SIPA1L2: variants seen among roughly 807,000 people sequenced by gnomAD.
SIPA1L2 encodes the protein signal induced proliferation associated 1 like 2, also known as signal-induced proliferation-associated 1-like protein 2.
Under a neutral mutation model 163.9 loss-of-function variants are expected in SIPA1L2, and 56 were observed. The observed-to-expected ratio is 0.34, with a 90% CI of 0.28 to 0.43. SIPA1L2 has a LOEUF of 0.43. Among genes scored for constraint, SIPA1L2 ranks in the 20% least tolerant of loss-of-function variants. SIPA1L2 has a pLI of 1.00. For synonymous variants in SIPA1L2, 877 were observed against 865.7 expected (o/e 1.01, Z -0.23); for missense variants, 1,974 against 2,193.5 (o/e 0.90, Z 2.00).
Position 232,455,549 on chromosome 1 carries a change from C to T in SIPA1L2, c.3095+5338G>A, listed in dbSNP as rs184693010. The stretch of plus-strand genomic sequence containing the variant: ...ACAAAACATTAGCCGGGCGTGGTGG[C>T]GGGTGCCTGTAGGCCCAGCTACTCG... On this transcript the variant is annotated intron_variant, in intron 10 of 22. Transcript: ENST00000674635. Among the ~76,000 whole-genome samples, 1,094 of 151,926 alleles carry T rather than the reference C, an allele frequency of 7.2e-3. 14 individuals carry two copies. The highest frequency in any genetic ancestry group is 0.025 in the African/African-American group (1,029 of 41,406).
At chr1:232,435,660 CA>C (rs1662517592) in intron 15 of SIPA1L2, among the ~76,000 whole-genome samples, 2 of 152,152 alleles carry the variant, frequency 1.3e-5, no homozygotes, top group South Asian at 4.1e-4. Flanking sequence ...TTTCATTTTG[CA>C]AAGCCTTAGT....
chr1:232,629,261 T>A (rs911635603), intron 1 of SIPA1L2, among the ~76,000 whole-genome samples: 1 of 152,208 alleles, frequency 6.6e-6, no homozygotes, highest in Non-Finnish European at 1.5e-5. Flanking sequence ...CCCAGGGATA[T>A]TCCCAGGACG....
intron 11 of SIPA1L2, 21 bp downstream of exon 11, chr1:232,445,508 A>C: frequency 6.2e-7 from 1 of 1,612,982 alleles, no homozygotes; most frequent in Non-Finnish European, 8.5e-7. Flanking sequence ...GCCCCCCTTG[A>C]GGAAACGGAA....
At chr1:232,582,433 T>A (rs1211715270) in intron 1 of SIPA1L2, among the ~76,000 whole-genome samples, 1 of 152,212 alleles carries the variant, frequency 6.6e-6, no homozygotes, top group Non-Finnish European at 1.5e-5. Context: ...CCTGCATTGG[T>A]TTGCTTAGGA....
chr1:232,525,152 GTT>G (rs1270574672), intron 2 of SIPA1L2, among the ~76,000 whole-genome samples: 1 of 137,412 alleles, frequency 7.3e-6, no homozygotes, highest in African/African-American at 2.6e-5. Context: ...TTAATTTAAC[GTT>G]TTTTTTTTAT....
intron 10 of SIPA1L2, among the ~76,000 whole-genome samples, chr1:232,447,798 A>G (rs1252824556): frequency 6.6e-6 from 1 of 152,270 alleles, no homozygotes; most frequent in Non-Finnish European, 1.5e-5. Flanking sequence ...ACTAATATGC[A>G]TATGTGGAAT....
intron 8 of SIPA1L2, among the ~76,000 whole-genome samples, chr1:232,469,009 C>A (rs1204826635): frequency 6.6e-6 from 1 of 152,164 alleles, no homozygotes; most frequent in African/African-American, 2.4e-5. Flanking sequence ...CATTCTGCTG[C>A]GCTCATGGGG....
intron 1 of SIPA1L2, among the ~76,000 whole-genome samples, chr1:232,618,725 A>G (rs1662638688): frequency 6.6e-6 from 1 of 152,230 alleles, no homozygotes; most frequent in Admixed American, 6.5e-5. Flanking sequence ...TCAATTATCA[A>G]GTTATATATT....
chr1:232,486,528 T>C (rs1180030654), intron 5 of SIPA1L2, among the ~76,000 whole-genome samples: 1 of 152,176 alleles, frequency 6.6e-6, no homozygotes, highest in Admixed American at 6.5e-5. Flanking sequence ...TGCCATACTC[T>C]GGCTCCAAAG....
intron 2 of SIPA1L2, among the ~76,000 whole-genome samples, chr1:232,527,725 C>T (rs201844806): frequency 8.5e-4 from 69 of 80,952 alleles, no homozygotes; most frequent in African/African-American, 1.5e-3. Flanking sequence ...TCTTCTTCTT[C>T]TTTTTTTTTT....
At chr1:232,450,312 C>T (rs1303664343) in intron 10 of SIPA1L2, among the ~76,000 whole-genome samples, 1 of 152,150 alleles carries the variant, frequency 6.6e-6, no homozygotes, top group Non-Finnish European at 1.5e-5. Flanking sequence ...AAGTTTTGTT[C>T]ATGGATTTAT....
At chr1:232,517,093 T>C (rs1667250508) in intron 2 of SIPA1L2, among the ~76,000 whole-genome samples, 1 of 152,234 alleles carries the variant, frequency 6.6e-6, no homozygotes, top group Non-Finnish European at 1.5e-5. Context: ...AGGTCACTTG[T>C]GGCATAATGC....
chr1:232,400,652 C>T (rs926873103), intron 22 of SIPA1L2, among the ~76,000 whole-genome samples: 1 of 152,168 alleles, frequency 6.6e-6, no homozygotes, highest in Non-Finnish European at 1.5e-5. Flanking sequence ...ACCATCATTA[C>T]GGGAAGATTC....
chr1:232,438,009 A>C (rs1430960537), intron 15 of SIPA1L2, among the ~76,000 whole-genome samples: 3 of 152,018 alleles, frequency 2.0e-5, no homozygotes, highest in Non-Finnish European at 2.9e-5. Context: ...TGTTGTTTAC[A>C]TAAGCCCCAA....
Position 232,521,225 on chromosome 1 carries a change from C to G in SIPA1L2, c.-269-5617G>C, listed in dbSNP as rs140783365. ...TATGATCTGCGAAGGGGAATAAAAT[C>G]TTTTCTTGCTGGAAAGTTCACACTG... On this transcript the variant is annotated intron_variant, in intron 2 of 22. Coordinates refer to ENST00000674635, the MANE Select transcript of SIPA1L2 (RefSeq NM_020808.5). 1.8e-4 allele frequency among the ~76,000 whole-genome samples: 28 copies of G among 152,262 alleles called. No individual in the cohort carries two copies. In the East Asian group the frequency reaches 4.6e-3, roughly 25 times the overall value.
At chr1:232,597,689 CAAAAAAAAAAA>C (rs376123118) in intron 1 of SIPA1L2, among the ~76,000 whole-genome samples, 3 of 65,400 alleles carry the variant, frequency 4.6e-5, no homozygotes, top group South Asian at 6.9e-4. Flanking sequence ...AACTCTGTCT[CAAAAAAAAAAA>C]AAAAAAAAAA....
chr1:232,562,835 T>A (rs1160205113), intron 2 of SIPA1L2, among the ~76,000 whole-genome samples: 1 of 152,162 alleles, frequency 6.6e-6, no homozygotes, highest in African/African-American at 2.4e-5. Context: ...TTTTTTCCCC[T>A]TAGCACCACT....
intron 9 of SIPA1L2, chr1:232,462,319 G>A (rs920661117): frequency 1.3e-6 from 2 of 1,546,462 alleles, no homozygotes; most frequent in Admixed American, 2.0e-5. Context: ...CAAAAGCCCA[G>A]AGGCAATGTA....
intron 14 of SIPA1L2, among the ~76,000 whole-genome samples, chr1:232,440,878 A>G (rs917185830): frequency 2.0e-5 from 3 of 152,212 alleles, no homozygotes; most frequent in African/African-American, 7.2e-5. Flanking sequence ...TGTAATGGGC[A>G]GCTGCGGCCG....
Sources: gnomAD v4.1 joint callset for allele counts (sites outside exome capture counted in the v4.1 genomes callset) on GRCh38, gnomAD v4.1.1 for gene constraint, MANE v1.5 for transcripts, NCBI Gene and HGNC (gene_info 2026-07-23, HGNC 2026-07-21) for gene names.